CHST8: variants seen among roughly 807,000 people sequenced by gnomAD.
CHST8 encodes the protein GALNAC-4-ST1.
A neutral mutation model predicts 15.0 loss-of-function variants in CHST8; 10 were observed. That is an observed-to-expected ratio of 0.67 (90% CI 0.41 to 1.13). CHST8 has a LOEUF of 1.13. CHST8 is among the 50% of genes most tolerant of loss of function. The probability of loss-of-function intolerance (pLI) is 0.00; values close to 1 mark genes in which losing one functional copy is unlikely to be tolerated. For synonymous variants in CHST8, 259 were observed against 256.6 expected, an observed-to-expected ratio of 1.01 and a Z score of -0.09; for missense variants, 634 against 608.2, an observed-to-expected ratio of 1.04 and a Z score of -0.45.
chr19:33,757,386 A>AGAAGAAAGAAAGAAAG lies in CHST8; in HGVS notation c.131-14026_131-14011dup, dbSNP rs1568358088. On this transcript the variant is annotated intron_variant, in intron 3 of 4. Transcript: ENST00000650847. ...CAGAGTGAGACGCGGTCTCAAAAAA[A>AGAAGAAAGAAAGAAAG]GAAGAAAGAAAGAAAGAAAGAAAGA... Among the ~76,000 whole-genome samples the AGAAGAAAGAAAGAAAG allele has an allele frequency of 3.0e-4, 29 of 95,170 alleles. 1 individual carries two copies. Among genetic ancestry groups the AGAAGAAAGAAAGAAAG allele is most frequent in the African/African-American group, 1.0e-3 (26 of 25,758 alleles). The allele number at this position is 95,170 out of a possible 152,430, so 62.4% of individuals were successfully genotyped here.
chr19:33,706,072 C>T (rs1358784056), intron 3 of CHST8, among the ~76,000 whole-genome samples: 1 of 152,182 alleles, frequency 6.6e-6, no homozygotes, highest in Non-Finnish European at 1.5e-5. Flanking sequence ...GGTCACACAG[C>T]CAGGAAGTAT....
intron 1 of CHST8, among the ~76,000 whole-genome samples, chr19:33,662,061 T>G (rs554465379): frequency 5.9e-5 from 9 of 151,736 alleles, no homozygotes; most frequent in South Asian, 2.1e-4. Context: ...AAAGGATGAT[T>G]TCTTTTTTTT....
At chr19:33,662,769 G>A (rs188224282) in intron 1 of CHST8, among the ~76,000 whole-genome samples, 7 of 152,278 alleles carry the variant, frequency 4.6e-5, no homozygotes, top group Admixed American at 1.3e-4. Context: ...GCCTGTTCCC[G>A]AACGCCAACC....
At chr19:33,706,110 CA>C (rs1229537594) in intron 3 of CHST8, among the ~76,000 whole-genome samples, 1 of 152,196 alleles carries the variant, frequency 6.6e-6, no homozygotes, top group Non-Finnish European at 1.5e-5. Context: ...CCCGGTTCCT[CA>C]GATCCCAAAA....
chr19:33,644,759 AT>A (rs1277632779), intron 1 of CHST8, among the ~76,000 whole-genome samples: 1 of 152,140 alleles, frequency 6.6e-6, no homozygotes, highest in Non-Finnish European at 1.5e-5. Context: ...TAAAAAATAA[AT>A]GAATTATGTA....
chr19:33,758,341 G>A (rs1028121407), intron 3 of CHST8, among the ~76,000 whole-genome samples: 36 of 152,140 alleles, frequency 2.4e-4, no homozygotes, highest in Admixed American at 5.9e-4. Context: ...GTGCTCAGCC[G>A]TCTGGGAGCT....
At chr19:33,759,362 G>T (rs75123316) in intron 3 of CHST8, among the ~76,000 whole-genome samples, 5,129 of 152,332 alleles carry the variant, frequency 0.034, 269 homozygotes, top group African/African-American at 0.12. Flanking sequence ...CACGTGCCAT[G>T]TCAGCCAGAC....
chr19:33,772,202 A>C lies in CHST8; in HGVS notation c.414A>C (p.Gly138=). ...CGGACGCGCCCTTCATCCGGCCGGG[A>C]CCCGGGACGCTGGATGGCCGCTGGG... ...NSSDAPFIRP[G]PGTLDGRWVS... is the part of the protein sequence containing the mutation. The change falls in exon 5 of 5, where the codon GGA becomes GGC. Residue 138 remains glycine (G), a synonymous_variant. Transcript: ENST00000650847. 1 of 1,594,468 alleles carries C rather than the reference A, an allele frequency of 6.3e-7. No homozygotes were observed. Among genetic ancestry groups the C allele is most frequent in the Non-Finnish European group, 8.5e-7 (1 of 1,173,790 alleles).
chr19:33,710,859 G>GT (rs962649565), intron 3 of CHST8, among the ~76,000 whole-genome samples: 8 of 148,406 alleles, frequency 5.4e-5, no homozygotes, highest in African/African-American at 2.0e-4. Context: ...TATGCTTTTG[G>GT]TCAATTTCTG....
intron 1 of CHST8, among the ~76,000 whole-genome samples, chr19:33,653,598 A>G (rs1168497243): frequency 6.6e-6 from 1 of 152,202 alleles, no homozygotes. Context: ...AGTCACATGT[A>G]TGAAGGACAG....
intron 3 of CHST8, among the ~76,000 whole-genome samples, chr19:33,714,658 G>A (rs1194866467): frequency 2.0e-5 from 3 of 152,210 alleles, no homozygotes; most frequent in Non-Finnish European, 2.9e-5. Context: ...ATTCCCACAT[G>A]TCCTGGGAGG....
Position 33,673,207 on chromosome 19 carries a change from C to G in CHST8, c.-87+5364C>G, listed in dbSNP as rs143125061. Reference sequence around the variant, plus strand: ...GCCCGCCAAGCAGCTTCCCAGATATCGATCAGTGCCTCTGGTGAGCATGAC... The same window carrying G: ...GCCCGCCAAGCAGCTTCCCAGATATGGATCAGTGCCTCTGGTGAGCATGAC... On this transcript the variant is annotated intron_variant, in intron 2 of 4. Transcript: ENST00000650847. 3.3e-5 allele frequency among the ~76,000 whole-genome samples: 5 copies of G among 152,290 alleles called. No individual in the cohort carries two copies. In the South Asian group the frequency reaches 1.0e-3, roughly 32 times the overall value.
intron 3 of CHST8, among the ~76,000 whole-genome samples, chr19:33,770,007 A>G (rs542150754): frequency 1.3e-5 from 2 of 152,292 alleles, no homozygotes; most frequent in African/African-American, 4.8e-5. Context: ...CAGGCTGTCC[A>G]TTCCAGGGCT....
At chr19:33,723,614 C>T (rs1333344123) in intron 3 of CHST8, among the ~76,000 whole-genome samples, 1 of 152,172 alleles carries the variant, frequency 6.6e-6, no homozygotes, top group Non-Finnish European at 1.5e-5. Flanking sequence ...AAAGCAGGTG[C>T]CTGTAGAAGG....
chr19:33,637,033 C>T (rs1452459078), intron 1 of CHST8, among the ~76,000 whole-genome samples: 1 of 152,174 alleles, frequency 6.6e-6, no homozygotes, highest in African/African-American at 2.4e-5. Context: ...TTGTTCATGC[C>T]TCCCCTTTTT....
intron 3 of CHST8, among the ~76,000 whole-genome samples, chr19:33,710,893 G>T (rs1201718276): frequency 6.9e-6 from 1 of 144,556 alleles, no homozygotes. Flanking sequence ...TTTTTTTAAG[G>T]GGTAGGGTCT....
At position 33,752,857 on chromosome 19, in the gene CHST8, G is replaced by C. The variant is rs1387446376; in HGVS notation, c.131-18556G>C. On this transcript the variant is annotated intron_variant, in intron 3 of 4. Coordinates refer to ENST00000650847, the MANE Select transcript of CHST8 (RefSeq NM_001127895.2). ...ATTATTCCTTATCTGCCTGGAATTA[G>C]AAAGGTTTCAGAATTAGTGTTCCAA... is the stretch of plus-strand genomic sequence containing the variant. Among the ~76,000 whole-genome samples the C allele has an allele frequency of 2.0e-5, 3 of 152,208 alleles. No homozygotes were observed. In the East Asian group the frequency reaches 5.8e-4, roughly 29 times the overall value.
intron 2 of CHST8, among the ~76,000 whole-genome samples, chr19:33,685,880 G>C (rs917159122): frequency 6.6e-6 from 1 of 152,158 alleles, no homozygotes; most frequent in African/African-American, 2.4e-5. Context: ...GGGATCTGTC[G>C]GTGACCACCC....
At chr19:33,714,301 C>T (rs1973618653) in intron 3 of CHST8, among the ~76,000 whole-genome samples, 1 of 151,542 alleles carries the variant, frequency 6.6e-6, no homozygotes, top group Non-Finnish European at 1.5e-5. Flanking sequence ...ACATATATAC[C>T]ATGGAATACT....
Sources: gnomAD v4.1 joint callset for allele counts (sites outside exome capture counted in the v4.1 genomes callset) on GRCh38, gnomAD v4.1.1 for gene constraint, MANE v1.5 for transcripts, NCBI Gene and HGNC (gene_info 2026-07-23, HGNC 2026-07-21) for gene names.